Variants in BRDT observed in about 807,000 individuals in gnomAD.
The protein encoded by BRDT is bromodomain testis associated.
Under a neutral mutation model 113.9 loss-of-function variants are expected in BRDT, and 77 were observed. The ratio of observed to expected loss-of-function variants is 0.68; its 90% CI spans 0.56 to 0.82. BRDT has a LOEUF of 0.82. Among genes scored for constraint, BRDT ranks in the 40% least tolerant of loss-of-function variants. The pLI, the probability that BRDT is intolerant of heterozygous loss-of-function variation, is 0.00. For missense variants in BRDT, 1,027 were observed against 1,105.4 expected (o/e 0.93, Z 1.01); for synonymous variants, 358 against 366.5 (o/e 0.98, Z 0.26).
chr1:91,983,761 C>T (rs1684938072), intron 12 of BRDT, among the ~76,000 whole-genome samples: 1 of 151,038 alleles, frequency 6.6e-6, no homozygotes, highest in East Asian at 2.0e-4. Flanking sequence ...TGATTGTGGC[C>T]TCCTCCGCCT....
rs981715563 is a variant in BRDT, at chr1:91,991,191, C to T, written c.2010C>T (p.Phe670=). 1.3e-6 allele frequency: 2 copies of T among 1,530,698 alleles called. No individual in the cohort carries two copies. The highest frequency in any genetic ancestry group is 3.7e-5 in the Admixed American group (2 of 54,300). 94.8% of individuals were successfully genotyped at this position (1,530,698 alleles called of 1,614,324 possible). A position where few individuals can be genotyped will look rare whatever the true frequency, so the allele number is the denominator to read the frequency against. ...SDSSDSESEM[F]PKFTEVKPND... ...ATGTGTATACATTTGCAGAAATGTT[C>T]CCTAAGTTTACAGAAGTAAAACCAA... Residue 670 remains phenylalanine (F), a synonymous_variant, in exon 13 of 19, where the codon TTC becomes TTT. Transcript: ENST00000399546.
At chr1:91,976,223 C>G (rs763934408) in intron 4 of BRDT, 43 bp from the exon 5 acceptor site, 4 of 1,504,932 alleles carry the variant, frequency 2.7e-6, no homozygotes, top group Non-Finnish European at 3.6e-6. Context: ...GTATTTTGTA[C>G]TTTATTCATT....
rs140481537 is a variant in BRDT at position 91,979,735 on chromosome 1, G to T, written c.1265G>T (p.Arg422Leu). ...GATTCTGAAGATGAGCGAGTTAAGC[G>T]TCTTGCAAAGCTTCAGGAGCAGGTA... ...SDDSEDERVK[R>L]LAKLQEQLKA... The change falls in exon 8 of 19, where the codon CGT becomes CTT. Residue 422 changes from arginine (R) to leucine (L), a missense_variant. By Grantham distance (102) the Arg-to-Leu change is moderately radical. Transcript: ENST00000399546. The T allele has an allele frequency of 2.7e-5, 43 of 1,608,496 alleles. No individual in the cohort carries two copies. The highest frequency in any genetic ancestry group is 3.6e-5 in the Non-Finnish European group (43 of 1,178,612).
intron 1 of BRDT, among the ~76,000 whole-genome samples, chr1:91,961,006 C>T (rs567748587): frequency 2.0e-5 from 3 of 152,192 alleles, no homozygotes; most frequent in African/African-American, 4.8e-5. Flanking sequence ...CTAATAAATT[C>T]GGTTTTAAAA....
chr1:91,983,187 G>A (rs184469855), intron 12 of BRDT, among the ~76,000 whole-genome samples: 3 of 150,972 alleles, frequency 2.0e-5, no homozygotes, highest in East Asian at 3.9e-4. Context: ...ACTAACTTGT[G>A]TTCTTAAAAT....
chr1:92,011,449 A>G (rs1305753226), intron 18 of BRDT, among the ~76,000 whole-genome samples: 1 of 152,146 alleles, frequency 6.6e-6, no homozygotes, highest in Non-Finnish European at 1.5e-5. Context: ...ACTCATTGTT[A>G]AATTTCGTTA....
chr1:91,984,674 C>T (rs889465734), intron 12 of BRDT, among the ~76,000 whole-genome samples: 3 of 152,152 alleles, frequency 2.0e-5, no homozygotes, highest in African/African-American at 7.2e-5. Flanking sequence ...CTGGCTCTGT[C>T]GCCCAGGCTA....
At chr1:91,959,029 A>G (rs1446396391) in intron 1 of BRDT, among the ~76,000 whole-genome samples, 1 of 152,156 alleles carries the variant, frequency 6.6e-6, no homozygotes, top group Non-Finnish European at 1.5e-5. Context: ...AGCCTGGGAG[A>G]CAGTAAGACC....
chr1:91,962,677 T>C (rs553069454), intron 1 of BRDT, 41 bp from the exon 2 acceptor site: 2 of 1,247,074 alleles, frequency 1.6e-6, no homozygotes. Context: ...GTGGAAACCA[T>C]TCCTAAAGTG....
intron 3 of BRDT, 85 bp from the exon 4 acceptor site, chr1:91,968,061 C>T: frequency 7.2e-7 from 1 of 1,380,338 alleles, no homozygotes; most frequent in South Asian, 1.4e-5. Flanking sequence ...TATGTTACTG[C>T]CTTCCATAAA....
At chr1:92,005,362 T>C in intron 18 of BRDT, 63 bp downstream of exon 18, 1 of 1,391,132 alleles carries the variant, frequency 7.2e-7, no homozygotes, top group East Asian at 2.6e-5. Flanking sequence ...GAGCACTGTC[T>C]TTTGTATGTT....
intron 4 of BRDT, among the ~76,000 whole-genome samples, chr1:91,971,794 A>G (rs1256838239): frequency 6.6e-6 from 1 of 152,206 alleles, no homozygotes; most frequent in Non-Finnish European, 1.5e-5. Context: ...GGCCTATAAC[A>G]GATCCTTTCC....
intron 15 of BRDT, among the ~76,000 whole-genome samples, chr1:91,998,537 T>A (rs1177827437): frequency 6.6e-6 from 1 of 152,212 alleles, no homozygotes; most frequent in Non-Finnish European, 1.5e-5. Context: ...ATTGAGTTTT[T>A]AAAATATTTA....
intron 4 of BRDT, among the ~76,000 whole-genome samples, chr1:91,972,112 C>A (rs1433789753): frequency 6.6e-6 from 1 of 151,826 alleles, no homozygotes; most frequent in African/African-American, 2.4e-5. Context: ...GTCAGGGTCA[C>A]TTGTAGTCTT....
intron 18 of BRDT, among the ~76,000 whole-genome samples, chr1:92,005,661 A>G (rs1351447520): frequency 6.6e-6 from 1 of 152,154 alleles, no homozygotes; most frequent in Non-Finnish European, 1.5e-5. Flanking sequence ...ACAAAAAAAG[A>G]TGGTCTGCCT....
rs1051595367 is a variant in BRDT, at chr1:91,979,566, C to T, written c.1099-3C>T. 3.7e-6 allele frequency: 6 copies of T among 1,603,648 alleles called. No individual in the cohort carries two copies. The highest frequency in any genetic ancestry group is 5.1e-6 in the Non-Finnish European group (6 of 1,177,580). On this transcript the variant is annotated splice_polypyrimidine_tract_variant and splice_region_variant and intron_variant, in intron 7 of 18. Coordinates refer to ENST00000399546, the MANE Select transcript of BRDT (RefSeq NM_207189.4). ...ACCATAACAAACTAATTTTTCATTA[C>T]AGGATGTTTTCGAAACGCATTTTTC...
intron 1 of BRDT, chr1:91,950,885 CATG>C (rs1680990578): frequency 6.6e-6 from 1 of 151,456 alleles, no homozygotes; most frequent in South Asian, 2.1e-4. Context: ...ATTAGCCGGG[CATG>C]GTGGTGGGTG....
intron 1 of BRDT, chr1:91,957,719 A>G (rs535959205): frequency 6.6e-6 from 1 of 152,172 alleles, no homozygotes; most frequent in African/African-American, 2.4e-5. Context: ...CCGTTATACT[A>G]TCATACAAGG....
At chr1:91,959,964 G>A (rs1054940182) in intron 1 of BRDT, among the ~76,000 whole-genome samples, 1 of 152,192 alleles carries the variant, frequency 6.6e-6, no homozygotes, top group African/African-American at 2.4e-5. Context: ...TCTCTCCAGA[G>A]ATTGGGACCT....
Sources: allele counts gnomAD v4.1 joint callset (sites outside exome capture counted in the v4.1 genomes callset), GRCh38; gene constraint gnomAD v4.1.1; transcripts MANE v1.5; gene names NCBI Gene and HGNC (gene_info 2026-07-23, HGNC 2026-07-21).